Variants in XIRP2 observed in about 807,000 individuals in gnomAD.
XIRP2 encodes the protein xin actin binding repeat containing 2.
In XIRP2, 236 loss-of-function variants were observed where a neutral mutation model predicts 277.0. That is an observed-to-expected ratio of 0.85 (90% CI 0.77 to 0.95). XIRP2 has a LOEUF of 0.95. Among genes scored for constraint, XIRP2 ranks in the 40% least tolerant of loss-of-function variants. The pLI is 0.00. For missense variants in XIRP2, 4,640 were observed against 4,157.5 expected (o/e 1.12, Z -3.19); for synonymous variants, 1,490 against 1,416.5 (o/e 1.05, Z -1.17).
Position 166,903,664 on chromosome 2 carries a change from G to T in XIRP2, c.182G>T (p.Ser61Ile), listed in dbSNP as rs535394458. The change falls in exon 2 of 11, where the codon AGT (serine) becomes ATT (isoleucine). Residue 61 changes from serine to isoleucine, a missense_variant. By Grantham distance (142) the Ser-to-Ile change is moderately radical (BLOSUM62 -2). Transcript: ENST00000409195. Reference protein sequence around the residue: ...VSAPQSLDPTSLPYSTGEEMW... With the variant: ...VSAPQSLDPTILPYSTGEEMW... ...GCACCTCAATCTTTGGATCCCACAA[G>T]TCTGCCCTACAGTACAGGGGAAGAG... 2.4e-4 allele frequency: 393 copies of T among 1,613,660 alleles called. 10 individuals are homozygous for T. In the South Asian group the frequency reaches 4.1e-3, roughly 17 times the overall value.
chr2:167,019,079 A>C (rs16852864), intron 2 of XIRP2, among the ~76,000 whole-genome samples: 13,359 of 152,052 alleles, frequency 0.088, 978 homozygotes, highest in East Asian at 0.38. Flanking sequence ...GTTAGGTTAG[A>C]TGCTGAGAAA....
At chr2:167,167,954 A>T (rs73021983) in intron 3 of XIRP2, among the ~76,000 whole-genome samples, 15,026 of 152,050 alleles carry the variant, frequency 0.099, 796 homozygotes, top group South Asian at 0.16. Context: ...TCATTTTTTT[A>T]AAATCAGAGA....
intron 3 of XIRP2, among the ~76,000 whole-genome samples, chr2:167,205,958 C>T (rs1194221766): frequency 6.6e-6 from 1 of 152,088 alleles, no homozygotes; most frequent in African/African-American, 2.4e-5. Context: ...GTTGCCCTCT[C>T]ACATGGTTAT....
chr2:167,129,585 T>C (rs1377623800), intron 2 of XIRP2, among the ~76,000 whole-genome samples: 1 of 151,992 alleles, frequency 6.6e-6, no homozygotes, highest in Non-Finnish European at 1.5e-5. Context: ...GCAATAAATA[T>C]ATATAAGTAA....
chr2:167,062,515 A>T (rs1264913230), intron 2 of XIRP2, among the ~76,000 whole-genome samples: 2 of 152,118 alleles, frequency 1.3e-5, no homozygotes, highest in Non-Finnish European at 2.9e-5. Context: ...ACAACAGGTA[A>T]TACAGATATT....
At chr2:167,116,289 G>A (rs962415575) in intron 2 of XIRP2, among the ~76,000 whole-genome samples, 1 of 152,014 alleles carries the variant, frequency 6.6e-6, no homozygotes, top group Non-Finnish European at 1.5e-5. Flanking sequence ...CAGTTCTATC[G>A]GTTGTTGCTT....
At chr2:166,919,971 CAT>C (rs1684994476) in intron 2 of XIRP2, among the ~76,000 whole-genome samples, 2 of 152,258 alleles carry the variant, frequency 1.3e-5, no homozygotes, top group African/African-American at 4.8e-5. Flanking sequence ...TTTTCACCAA[CAT>C]ATGTTTCAGG....
intron 2 of XIRP2, among the ~76,000 whole-genome samples, chr2:166,938,886 T>A (rs1444847284): frequency 6.6e-6 from 1 of 152,208 alleles, no homozygotes; most frequent in African/African-American, 2.4e-5. Flanking sequence ...TGGTTTAAAG[T>A]CTGTTTTATC....
At position 167,250,939 on chromosome 2, in the gene XIRP2, G is replaced by A. The variant is rs956094433; in HGVS notation, c.9547G>A (p.Val3183Ile). The change falls in exon 9 of 11, where the codon GTC becomes ATC. Residue 3183 changes from valine to isoleucine, a missense_variant. Coordinates refer to ENST00000409195, the MANE Select transcript of XIRP2 (RefSeq NM_152381.6). ...SPPRSRSEQL[V>I]RLKDTTAKLS... is the part of the protein sequence containing the mutation. ...ACCCAGGAGTCGCTCTGAACAACTT[G>A]TCAGACTCAAAGACACCACTGCAAA... The A allele has an allele frequency of 1.2e-6, 2 of 1,613,224 alleles. No homozygotes were observed. The highest frequency in any genetic ancestry group is 1.7e-5 in the Admixed American group (1 of 59,914).
rs56075744 is a variant in XIRP2 at position 166,922,911 on chromosome 2, C to A, written c.408+19021C>A. ...ATGATTTCTAGTACTCAGAGTGAAA[C>A]TTTCATAGACATGCTGAATTATCCT... On this transcript the variant is annotated intron_variant, in intron 2 of 10. Transcript: ENST00000409195. 1.5e-3 allele frequency among the ~76,000 whole-genome samples: 220 copies of A among 148,096 alleles called. 2 individuals are homozygous for A. The highest frequency in any genetic ancestry group is 5.1e-3 in the African/African-American group (206 of 40,224).
At chr2:166,927,031 A>AT (rs1277552657) in intron 2 of XIRP2, among the ~76,000 whole-genome samples, 7 of 152,180 alleles carry the variant, frequency 4.6e-5, no homozygotes, top group Non-Finnish European at 1.0e-4. Context: ...CATGCTCAAC[A>AT]TTAATTTGAA....
chr2:167,008,569 T>C (rs1007604365), intron 2 of XIRP2, among the ~76,000 whole-genome samples: 3 of 151,690 alleles, frequency 2.0e-5, no homozygotes, highest in African/African-American at 7.3e-5. Context: ...AGATTGAAAT[T>C]GGAGGCAACA....
chr2:167,252,444 G>T (rs1321059484), intron 9 of XIRP2, among the ~76,000 whole-genome samples: 1 of 151,794 alleles, frequency 6.6e-6, no homozygotes, highest in Non-Finnish European at 1.5e-5. Flanking sequence ...CAAAAGTGTG[G>T]GTGTGGAATT....
intron 2 of XIRP2, among the ~76,000 whole-genome samples, chr2:166,938,732 G>A (rs1354491896): frequency 6.6e-6 from 1 of 152,154 alleles, no homozygotes; most frequent in Non-Finnish European, 1.5e-5. Flanking sequence ...GGGAGTCTAA[G>A]TCTCTTTGTA....
At chr2:167,088,545 T>G (rs1428588182) in intron 2 of XIRP2, among the ~76,000 whole-genome samples, 1 of 152,138 alleles carries the variant, frequency 6.6e-6, no homozygotes, top group African/African-American at 2.4e-5. Flanking sequence ...AGCCCCAGAT[T>G]TGAAACCTCA....
In XIRP2 at chr2:167,244,287, A is replaced by C; in HGVS notation, c.2895A>C (p.Lys965Asn). The C allele has an allele frequency of 6.2e-7, 1 of 1,613,886 alleles. No homozygotes were observed. The highest frequency in any genetic ancestry group is 8.5e-7 in the Non-Finnish European group (1 of 1,179,860). ...NNLIKFDASH[K>N]IEVEGVTRGA... ...TAATTAAATTTGATGCATCACATAAAATAGAGGTGGAAGGAGTTACAAGAG... is the reference window on the plus strand; with the variant it reads ...TAATTAAATTTGATGCATCACATAACATAGAGGTGGAAGGAGTTACAAGAG... The change falls in exon 9 of 11, where the codon AAA becomes AAC. Residue 965 changes from lysine (K) to asparagine (N), a missense_variant. By Grantham distance (94) the Lys-to-Asn change is moderately conservative. Transcript: ENST00000409195.
intron 2 of XIRP2, among the ~76,000 whole-genome samples, chr2:167,092,013 G>A (rs77284617): frequency 0.01 from 1,572 of 152,228 alleles, 37 homozygotes; most frequent in African/African-American, 0.036. Context: ...GTTGGGCCAA[G>A]ATCCAGGTGA....
At chr2:166,932,778 C>T (rs1685382566) in intron 2 of XIRP2, among the ~76,000 whole-genome samples, 1 of 152,104 alleles carries the variant, frequency 6.6e-6, no homozygotes, top group Non-Finnish European at 1.5e-5. Flanking sequence ...TGCAACACCA[C>T]CGCTTGAAAA....
At chr2:167,179,256 G>T (rs1387352187) in intron 3 of XIRP2, among the ~76,000 whole-genome samples, 3 of 150,552 alleles carry the variant, frequency 2.0e-5, no homozygotes, top group African/African-American at 7.3e-5. Context: ...ATCTTCTTTT[G>T]TGAGCTTGCA....
Sources: allele counts gnomAD v4.1 joint callset (sites outside exome capture counted in the v4.1 genomes callset), GRCh38; gene constraint gnomAD v4.1.1; transcripts MANE v1.5; gene names NCBI Gene and HGNC (gene_info 2026-07-23, HGNC 2026-07-21).